Variants in FASTKD2 observed in about 807,000 individuals in gnomAD.
FASTKD2 encodes the protein FAST kinase domain-containing protein 2, mitochondrial.
FASTKD2 carries 51 observed loss-of-function variants against 63.6 expected under a neutral mutation model. The observed-to-expected ratio is 0.80, with a 90% CI of 0.64 to 1.01. FASTKD2 has a LOEUF of 1.01. Ranked by LOEUF, FASTKD2 falls within the 50% of genes least tolerant of loss-of-function variation. The pLI, the probability that FASTKD2 is intolerant of heterozygous loss-of-function variation, is 0.00. For missense variants in FASTKD2, 786 were observed against 831.1 expected (o/e 0.95, Z 0.67); for synonymous variants, 284 against 293.4 (o/e 0.97, Z 0.33).
At chr2:206,779,065 A>G (rs1157502423) in intron 7 of FASTKD2, among the ~76,000 whole-genome samples, 2 of 152,126 alleles carry the variant, frequency 1.3e-5, no homozygotes, top group African/African-American at 2.4e-5. Flanking sequence ...CTGTTATTGT[A>G]TCATCTGTTT....
rs769559418 is a variant in FASTKD2, at chr2:206,767,334, A to G, written c.641A>G (p.Asn214Ser). 10 of 1,614,206 alleles carry G rather than the reference A, an allele frequency of 6.2e-6. No individual in the cohort carries two copies. The highest frequency in any genetic ancestry group is 8.5e-6 in the Non-Finnish European group (10 of 1,180,030). ...CTGATGTTTAGCCACCCTGCATTTAATCAGCTCTGTGAACATATGATGAGA... is the reference window on the plus strand; with the variant it reads ...CTGATGTTTAGCCACCCTGCATTTAGTCAGCTCTGTGAACATATGATGAGA... The part of the protein sequence containing the change: ...KRLMFSHPAF[N>S]QLCEHMMREA... The change falls in exon 2 of 12, where the codon AAT becomes AGT. Residue 214 changes from asparagine to serine, a missense_variant. Physicochemically the swap from Asn to Ser is conservative, Grantham distance 46. Transcript: ENST00000402774.
rs901985717 is a variant in FASTKD2 at position 206,795,833 on chromosome 2, G to A, written c.*4031G>A. 2.6e-5 allele frequency among the ~76,000 whole-genome samples: 4 copies of A among 152,324 alleles called. No homozygotes were observed. Among genetic ancestry groups the A allele is most frequent in the African/African-American group, 7.2e-5 (3 of 41,566 alleles). ...GACGAGGAGCATCCATTTTGCTGGT[G>A]GGGATTGTGGCTAAAATAATGTGGC... On this transcript the variant is annotated 3_prime_UTR_variant, in exon 12 of 12. Transcript: ENST00000402774.
rs145438423 is a variant in FASTKD2, at chr2:206,766,664, T to C, written c.-30T>C. 743 of 1,600,410 alleles carry C rather than the reference T, an allele frequency of 4.6e-4. 4 individuals are homozygous for C. The African/African-American group carries it at 8.6e-3, about 18-fold the overall frequency. ...TACAGGAAAACGACAGCACGTGTTC[T>C]TTTTCACTAGTAGAAGTGACGTTGG... is the stretch of plus-strand genomic sequence containing the variant. On this transcript the variant is annotated 5_prime_UTR_variant, in exon 2 of 12. Coordinates refer to ENST00000402774, the MANE Select transcript of FASTKD2 (RefSeq NM_001136193.2).
rs1312087066 is a variant in FASTKD2 at position 206,792,031 on chromosome 2, G to T, written c.*229G>T. ...TCCAACCACACCTATTCCCTCTAGT[G>T]CCCAGATATTTGATTTGTGAGCTGT... On this transcript the variant is annotated 3_prime_UTR_variant, in exon 12 of 12. Transcript: ENST00000402774. 1.9e-6 allele frequency: 1 copy of T among 521,490 alleles called. No homozygotes were observed. The highest frequency in any genetic ancestry group is 3.4e-6 in the Non-Finnish European group (1 of 290,748). 32.3% of individuals were successfully genotyped at this position (521,490 alleles called of 1,614,324 possible).
chr2:206,788,076 G>A lies in FASTKD2; in HGVS notation c.1734G>A (p.Val578=), dbSNP rs766894655. 5.3e-5 allele frequency: 85 copies of A among 1,613,662 alleles called. 2 individuals are homozygous for A. The South Asian group carries it at 8.6e-4, about 16-fold the overall frequency. Reference sequence around the variant, plus strand: ...CATCGTCACATACAAATGCAAAGGTGGCAGAGGTGCTGAGCAGCCTTCTGG... The same window carrying A: ...CATCGTCACATACAAATGCAAAGGTAGCAGAGGTGCTGAGCAGCCTTCTGG... ...ELPSSHTNAK[V]AEVLSSLLGG... Residue 578 remains valine, a synonymous_variant, in exon 9 of 12, where the codon GTG becomes GTA. Transcript: ENST00000402774.
intron 9 of FASTKD2, 37 bp downstream of exon 9, chr2:206,788,192 T>C: frequency 6.9e-7 from 1 of 1,444,058 alleles, no homozygotes; most frequent in Non-Finnish European, 9.5e-7. Flanking sequence ...CATTTTATTG[T>C]ATTTATTTTC....
intron 4 of FASTKD2, among the ~76,000 whole-genome samples, chr2:206,771,518 T>G (rs1441139230): frequency 6.6e-6 from 1 of 151,992 alleles, no homozygotes; most frequent in Non-Finnish European, 1.5e-5. Flanking sequence ...CCTTTTTGTT[T>G]AAAAATAAAT....
At chr2:206,781,940 T>G (rs1017447690) in intron 7 of FASTKD2, among the ~76,000 whole-genome samples, 3 of 152,122 alleles carry the variant, frequency 2.0e-5, no homozygotes, top group Admixed American at 2.0e-4. Context: ...AAGGCTAGGA[T>G]GTTGAAGACA....
Position 206,795,142 on chromosome 2 carries a change from C to G in FASTKD2, c.*3340C>G, listed in dbSNP as rs920881819. On this transcript the variant is annotated 3_prime_UTR_variant, in exon 12 of 12. Coordinates refer to ENST00000402774, the MANE Select transcript of FASTKD2 (RefSeq NM_001136193.2). ...AGGGCCTGAGAGGTGGACCATCAGA[C>G]TCCACCCTGTTTTGCGCTGACTTGT... 6.6e-6 allele frequency among the ~76,000 whole-genome samples: 1 copy of G among 152,238 alleles called. No homozygotes were observed. Among genetic ancestry groups the G allele is most frequent in the Non-Finnish European group, 1.5e-5 (1 of 68,034 alleles).
At chr2:206,781,267 G>A (rs1398422377) in intron 7 of FASTKD2, among the ~76,000 whole-genome samples, 2 of 148,714 alleles carry the variant, frequency 1.3e-5, no homozygotes, top group Non-Finnish European at 3.0e-5. Flanking sequence ...AATCAGCTTA[G>A]CCAGAGATTC....
intron 7 of FASTKD2, among the ~76,000 whole-genome samples, chr2:206,786,274 A>T (rs1226257906): frequency 6.6e-6 from 1 of 152,162 alleles, no homozygotes; most frequent in Non-Finnish European, 1.5e-5. Context: ...TTTAACCCAT[A>T]GTATTGATAA....
intron 7 of FASTKD2, among the ~76,000 whole-genome samples, chr2:206,784,935 C>G (rs1028341863): frequency 1.3e-5 from 2 of 152,166 alleles, no homozygotes; most frequent in African/African-American, 4.8e-5. Context: ...TTCGAGTGAT[C>G]TAGCATATTA....
At position 206,790,626 on chromosome 2, in the gene FASTKD2, C is replaced by T. The variant is rs374581551; in HGVS notation, c.1953C>T (p.Pro651=). 8.7e-6 allele frequency: 14 copies of T among 1,613,484 alleles called. No homozygotes were observed. In the African/African-American group the frequency reaches 1.9e-4, roughly 22 times the overall value. Reference sequence around the variant, plus strand: ...CTTATTGTTTGGGTTCAAGCCACCCCAGAGGATTCCTTGCTATGAAAATGC... The same window carrying T: ...CTTATTGTTTGGGTTCAAGCCACCCTAGAGGATTCCTTGCTATGAAAATGC... ...RSAYCLGSSH[P]RGFLAMKMRH... The change falls in exon 11 of 12, where the codon CCC becomes CCT. Residue 651 remains proline (P), a synonymous_variant. Coordinates refer to ENST00000402774, the MANE Select transcript of FASTKD2 (RefSeq NM_001136193.2).
At chr2:206,786,622 A>T in intron 7 of FASTKD2, 111 bp from the exon 8 acceptor site, 1 of 895,754 alleles carries the variant, frequency 1.1e-6, no homozygotes, top group Non-Finnish European at 1.9e-6. Flanking sequence ...GTCCAGAATG[A>T]TGTGTGGATA....
At position 206,786,560 on chromosome 2, in the gene FASTKD2, A is replaced by G. The variant is rs545927788; in HGVS notation, c.1428-173A>G. ...AATGTTTGTCTCGTGCAAGACATAC[A>G]GCAATAGCCAACATTTATTGAATGT... On this transcript the variant is annotated intron_variant, in intron 7 of 11. Coordinates refer to ENST00000402774, the MANE Select transcript of FASTKD2 (RefSeq NM_001136193.2). 96 of 657,210 alleles carry G rather than the reference A, an allele frequency of 1.5e-4. 1 individual carries two copies. The highest frequency in any genetic ancestry group is 1.4e-3 in the African/African-American group (78 of 55,718). 40.7% of individuals were successfully genotyped at this position (657,210 alleles called of 1,614,324 possible).
chr2:206,775,816 C>T (rs1689809942), intron 7 of FASTKD2, among the ~76,000 whole-genome samples: 1 of 151,912 alleles, frequency 6.6e-6, no homozygotes, highest in South Asian at 2.1e-4. Context: ...TACTGTTTTC[C>T]ATGCACCATT....
chr2:206,777,011 T>G (rs1247448607), intron 7 of FASTKD2, among the ~76,000 whole-genome samples: 1 of 139,740 alleles, frequency 7.2e-6, no homozygotes, highest in African/African-American at 2.6e-5. Flanking sequence ...GTCTTTCACT[T>G]CCTTAAGTTT....
chr2:206,769,509 A>G (rs1018545261), intron 2 of FASTKD2, among the ~76,000 whole-genome samples: 8 of 152,204 alleles, frequency 5.3e-5, no homozygotes, highest in African/African-American at 1.9e-4. Flanking sequence ...TTAGTACCCT[A>G]AGTAAAGGGA....
At chr2:206,769,198 T>C (rs1424174976) in intron 2 of FASTKD2, among the ~76,000 whole-genome samples, 2 of 152,258 alleles carry the variant, frequency 1.3e-5, no homozygotes, top group Non-Finnish European at 2.9e-5. Flanking sequence ...GTCTTTTCTT[T>C]CATAGTAGAT....
Sources: gnomAD v4.1 joint callset for allele counts (sites outside exome capture counted in the v4.1 genomes callset) on GRCh38, gnomAD v4.1.1 for gene constraint, MANE v1.5 for transcripts, NCBI Gene and HGNC (gene_info 2026-07-23, HGNC 2026-07-21) for gene names.